Variants in CLIP2 observed in about 807,000 individuals in gnomAD.
CLIP2 encodes CAP-Gly domain-containing linker protein 2.
A neutral mutation model predicts 111.7 loss-of-function variants in CLIP2; 41 were observed. That is an observed-to-expected ratio of 0.37 (90% confidence interval 0.29 to 0.48). CLIP2 has a LOEUF of 0.48. Ranked by LOEUF, CLIP2 falls within the 20% of genes least tolerant of loss-of-function variation. The pLI is 0.99. For missense variants in CLIP2, 1,160 were observed against 1,422.1 expected, an observed-to-expected ratio of 0.82 and a Z score of 2.96; for synonymous variants, 660 against 644.2, an observed-to-expected ratio of 1.02 and a Z score of -0.37.
At position 74,311,140 on chromosome 7, in the gene CLIP2, C is replaced by T. The variant is rs372018096; in HGVS notation, c.-67-6340C>T. 6.6e-5 allele frequency among the ~76,000 whole-genome samples: 10 copies of T among 151,952 alleles called. No individual in the cohort carries two copies. The East Asian group carries it at 1.7e-3, about 26-fold the overall frequency. On this transcript the variant is annotated intron_variant, in intron 1 of 16. Coordinates refer to ENST00000223398, the MANE Select transcript of CLIP2 (RefSeq NM_003388.5). ...GACTACAGGTGTCTGCCACCACGCT[C>T]GGCTAATTTTTTGTATTTTTAGTAG...
chr7:74,398,950 G>C (rs9638321), intron 14 of CLIP2, among the ~76,000 whole-genome samples: 109,845 of 152,178 alleles, frequency 0.72, 40,084 homozygotes, highest in African/African-American at 0.83. Context: ...TACTTGGGAA[G>C]TGGCGGCCTC....
intron 1 of CLIP2, among the ~76,000 whole-genome samples, chr7:74,300,752 G>A (rs556668009): frequency 1.1e-4 from 16 of 152,270 alleles, no homozygotes; most frequent in South Asian, 2.1e-4. Context: ...CACCGTGCCC[G>A]GCCTGATTTC....
In CLIP2 at chr7:74,403,982, C is replaced by T; in HGVS notation, c.*134C>T. ...AGTGTTTGTAACAATAACGTACTCA[C>T]CGCCGCGGACAATCCCCCACCCCGA... is the stretch of plus-strand genomic sequence containing the variant. On this transcript the variant is annotated 3_prime_UTR_variant, in exon 17 of 17. Transcript: ENST00000223398. The T allele has an allele frequency of 2.1e-6, 2 of 967,888 alleles. No homozygotes were observed. The highest frequency in any genetic ancestry group is 1.3e-5 in the South Asian group (1 of 77,458). The allele number at this position is 967,888 out of a possible 1,614,324, so 60.0% of individuals were successfully genotyped here.
chr7:74,299,831 T>A (rs1422208338), intron 1 of CLIP2, among the ~76,000 whole-genome samples: 1 of 113,038 alleles, frequency 8.8e-6, no homozygotes, highest in African/African-American at 2.6e-5. Flanking sequence ...CCCAAGTAGC[T>A]AGATTACAGG....
chr7:74,338,376 CTG>C lies in CLIP2; in HGVS notation c.122-69_122-68del, dbSNP rs1251026403. Reference sequence around the variant, plus strand: ...ATCAGCCACCTCCCAACCCTAGACTCTGTGCTCCTGGGGCCACCCAGGGGCCA... The same window carrying C: ...ATCAGCCACCTCCCAACCCTAGACTCTGCTCCTGGGGCCACCCAGGGGCCA... On this transcript the variant is annotated intron_variant, in intron 2 of 16. Transcript: ENST00000223398. This position sits in a 1 kb window ranked among gnomAD's most constrained non-coding sequence, Gnocchi z 4.3. 3.3e-6 allele frequency: 5 copies of C among 1,514,786 alleles called. No homozygotes were observed. Among genetic ancestry groups the C allele is most frequent in the Non-Finnish European group, 3.6e-6 (4 of 1,121,924 alleles). 93.8% of individuals were successfully genotyped at this position (1,514,786 alleles called of 1,614,324 possible).
chr7:74,339,060 G>A (rs369737724), intron 3 of CLIP2, 56 bp downstream of exon 3: 9 of 1,514,274 alleles, frequency 5.9e-6, no homozygotes, highest in African/African-American at 2.7e-5. Context: ...CCCCTGCTCC[G>A]CCCCACTTGG....
intron 1 of CLIP2, among the ~76,000 whole-genome samples, chr7:74,303,600 T>A (rs1211913448): frequency 6.6e-6 from 1 of 150,820 alleles, no homozygotes; most frequent in Non-Finnish European, 1.5e-5. Flanking sequence ...TCTTATTTTT[T>A]TTTTTTTTTT....
At position 74,389,202 on chromosome 7, in the gene CLIP2, C is replaced by A. The variant is rs1357075921; in HGVS notation, c.2663C>A (p.Thr888Asn). Reference protein sequence around the residue: ...EAELETVSRKTHDASGQLVLI... With the variant: ...EAELETVSRKNHDASGQLVLI... ...GAGCTGGAGACCGTGTCCCGGAAGA[C>A]CCATGACGCCTCGGGCCAGCTAGTC... The change falls in exon 13 of 17, where the codon ACC (threonine) becomes AAC (asparagine). Residue 888 changes from threonine to asparagine, a missense_variant. Transcript: ENST00000223398. 6.2e-7 allele frequency: 1 copy of A among 1,613,096 alleles called. No homozygotes were observed. Among genetic ancestry groups the A allele is most frequent in the African/African-American group, 1.3e-5 (1 of 74,916 alleles).
At chr7:74,304,408 C>G (rs1374269498) in intron 1 of CLIP2, among the ~76,000 whole-genome samples, 2 of 151,974 alleles carry the variant, frequency 1.3e-5, no homozygotes, top group Non-Finnish European at 2.9e-5. Context: ...TGCCTGTAAT[C>G]CCAGCTACTC....
intron 1 of CLIP2, among the ~76,000 whole-genome samples, chr7:74,307,648 G>A (rs1470384920): frequency 6.6e-6 from 1 of 152,054 alleles, no homozygotes; most frequent in Non-Finnish European, 1.5e-5. Flanking sequence ...CCACCACCAT[G>A]CCTGGCTAAT....
chr7:74,368,896 C>T (rs942573024), intron 8 of CLIP2, among the ~76,000 whole-genome samples: 4 of 152,156 alleles, frequency 2.6e-5, no homozygotes, highest in South Asian at 2.1e-4. Context: ...ACATCCCAGA[C>T]GTCATATGGC....
intron 13 of CLIP2, 32 bp from the exon 14 acceptor site, chr7:74,397,042 G>C (rs781970287): frequency 6.2e-7 from 1 of 1,608,346 alleles, no homozygotes; most frequent in Middle Eastern, 1.7e-4. Context: ...CCAGGGCTGA[G>C]TGCAGTGGTT....
chr7:74,329,939 T>A (rs1029117275), intron 2 of CLIP2, among the ~76,000 whole-genome samples: 15 of 151,116 alleles, frequency 9.9e-5, no homozygotes, highest in African/African-American at 3.4e-4. Flanking sequence ...GCCACCACAC[T>A]GACTAATTTT....
Position 74,359,570 on chromosome 7 carries a change from T to C in CLIP2, c.1216-605T>C, listed in dbSNP as rs565400791. On this transcript the variant is annotated intron_variant, in intron 6 of 16. Coordinates refer to ENST00000223398, the MANE Select transcript of CLIP2 (RefSeq NM_003388.5). ...TGGGGTTTCACCATGTTAGCCAGGA[T>C]GGTCTCAATCTCCTGACCTTGTGAT... is the stretch of plus-strand genomic sequence containing the variant. Among the ~76,000 whole-genome samples, 3 of 152,088 alleles carry C rather than the reference T, an allele frequency of 2.0e-5. No individual in the cohort carries two copies. The East Asian group carries it at 5.8e-4, about 30-fold the overall frequency.
chr7:74,297,180 G>A (rs1554726228), intron 1 of CLIP2, among the ~76,000 whole-genome samples: 1 of 152,132 alleles, frequency 6.6e-6, no homozygotes, highest in African/African-American at 2.4e-5. Flanking sequence ...GTCCCAACAA[G>A]AGCAGGGACC....
Position 74,400,500 on chromosome 7 carries a change from C to T in CLIP2, c.3011C>T (p.Ala1004Val). ...EDALRDALDQ[A>V]QQVEKLMEAM... Reference sequence around the variant, plus strand: ...GCCCTGCGGGATGCGCTGGACCAGGCTCAGCAGGTGGAGAAGCTGATGGAG... The same window carrying T: ...GCCCTGCGGGATGCGCTGGACCAGGTTCAGCAGGTGGAGAAGCTGATGGAG... Residue 1004 changes from alanine to valine, a missense_variant, in exon 15 of 17, where the codon GCT (alanine) becomes GTT (valine). Transcript: ENST00000223398. The T allele has an allele frequency of 6.2e-7, 1 of 1,612,180 alleles. No homozygotes were observed. The highest frequency in any genetic ancestry group is 8.5e-7 in the Non-Finnish European group (1 of 1,179,058).
chr7:74,348,277 A>G (rs530784879), intron 3 of CLIP2, among the ~76,000 whole-genome samples: 4 of 152,204 alleles, frequency 2.6e-5, no homozygotes, highest in East Asian at 1.9e-4. Flanking sequence ...AATTCAAGAA[A>G]ATTCCCCAGA....
intron 3 of CLIP2, among the ~76,000 whole-genome samples, chr7:74,339,251 G>A (rs1007575446): frequency 6.6e-6 from 1 of 151,864 alleles, no homozygotes; most frequent in Non-Finnish European, 1.5e-5. Context: ...TCTGGGCCTC[G>A]CTCTTTCTAT....
chr7:74,316,060 T>C (rs1232880510), intron 1 of CLIP2, among the ~76,000 whole-genome samples: 6 of 85,912 alleles, frequency 7.0e-5, no homozygotes, highest in Admixed American at 3.5e-4. Context: ...ACAGGCCCCA[T>C]TGTGTTGTTC....
Sources: gnomAD v4.1 joint callset for allele counts (sites outside exome capture counted in the v4.1 genomes callset) on GRCh38, gnomAD v4.1.1 for gene constraint, Gnocchi (gnomAD v3.1) non-coding constraint, MANE v1.5 for transcripts, NCBI Gene and HGNC (gene_info 2026-07-23, HGNC 2026-07-21) for gene names.